Variants in CADM2 observed in about 807,000 individuals in gnomAD.
CADM2 encodes the protein immunoglobulin superfamily member 4D.
Under a neutral mutation model 49.8 loss-of-function variants are expected in CADM2, and 12 were observed. That is an observed-to-expected ratio of 0.24 (90% CI 0.15 to 0.39). The LOEUF is 0.39. Among genes scored for constraint, CADM2 ranks in the 10% least tolerant of loss-of-function variants. The pLI, the probability that CADM2 is intolerant of heterozygous loss-of-function variation, is 1.00. For synonymous variants in CADM2, 214 were observed against 175.4 expected, an observed-to-expected ratio of 1.22 and a Z score of -1.74; for missense variants, 378 against 492.3, an observed-to-expected ratio of 0.77 and a Z score of 2.20.
chr3:85,638,121 T>G (rs1324091440), intron 1 of CADM2, among the ~76,000 whole-genome samples: 3 of 152,194 alleles, frequency 2.0e-5, no homozygotes, highest in African/African-American at 2.4e-5. Flanking sequence ...ATCATTATTA[T>G]CTCTTAATTG....
intron 8 of CADM2, among the ~76,000 whole-genome samples, chr3:86,047,108 A>G (rs1281106187): frequency 6.6e-6 from 1 of 152,048 alleles, no homozygotes; most frequent in Non-Finnish European, 1.5e-5. Context: ...CGCTTCTTCA[A>G]ATTGTTTGAG....
chr3:85,289,639 C>T (rs1016050563), intron 1 of CADM2, among the ~76,000 whole-genome samples: 7 of 151,998 alleles, frequency 4.6e-5, no homozygotes, highest in African/African-American at 9.7e-5. Context: ...GGTGAAAAAC[C>T]GCAATAATTT....
At chr3:85,739,039 T>A (rs2068266628) in intron 2 of CADM2, among the ~76,000 whole-genome samples, 1 of 152,250 alleles carries the variant, frequency 6.6e-6, no homozygotes, top group Non-Finnish European at 1.5e-5. Flanking sequence ...TGAATATATG[T>A]TTAAAATTTA....
chr3:85,979,487 C>T (rs1383458770), intron 8 of CADM2, among the ~76,000 whole-genome samples: 1 of 151,464 alleles, frequency 6.6e-6, no homozygotes, highest in African/African-American at 2.4e-5. Context: ...TTACTTAAGA[C>T]TATTATCAAA....
At chr3:85,103,514 G>A (rs138348843) in intron 1 of CADM2, among the ~76,000 whole-genome samples, 1 of 151,968 alleles carries the variant, frequency 6.6e-6, no homozygotes, top group Non-Finnish European at 1.5e-5. Context: ...TAAGAAAATG[G>A]CATGTTCACA....
chr3:85,433,499 G>T (rs1442350966), intron 1 of CADM2, among the ~76,000 whole-genome samples: 1 of 151,988 alleles, frequency 6.6e-6, no homozygotes. Flanking sequence ...GCTTACTTGT[G>T]ACTACCCGCC....
intron 3 of CADM2, among the ~76,000 whole-genome samples, chr3:85,870,019 C>T (rs1420590099): frequency 6.6e-6 from 1 of 152,148 alleles, no homozygotes; most frequent in Admixed American, 6.5e-5. Context: ...TCTACCACTG[C>T]CAATCCCAAT....
At position 85,102,981 on chromosome 3, in the gene CADM2, C is replaced by T. The variant is rs549268861; in HGVS notation, c.61+143313C>T. Among the ~76,000 whole-genome samples the T allele has an allele frequency of 2.1e-4, 32 of 152,220 alleles. No homozygotes were observed. The South Asian group carries it at 4.1e-3, about 20-fold the overall frequency. ...TGAATAGCTATATAAATACAGCATACGGCTATGCACATTCTATTGCTGGGC... is the reference window on the plus strand; with the variant it reads ...TGAATAGCTATATAAATACAGCATATGGCTATGCACATTCTATTGCTGGGC... On this transcript the variant is annotated intron_variant, in intron 1 of 9. Transcript: ENST00000383699.
chr3:86,007,406 T>A (rs1229426254), intron 8 of CADM2, among the ~76,000 whole-genome samples: 1 of 152,106 alleles, frequency 6.6e-6, no homozygotes, highest in Non-Finnish European at 1.5e-5. Flanking sequence ...TGTTAATAGG[T>A]TGCTTTTAGC....
intron 1 of CADM2, among the ~76,000 whole-genome samples, chr3:85,301,798 T>A (rs1228125517): frequency 6.6e-6 from 1 of 152,050 alleles, no homozygotes; most frequent in East Asian, 1.9e-4. Context: ...TATCTCATCA[T>A]GTGAGTGATA....
chr3:85,773,005 A>G (rs186081838), intron 2 of CADM2, among the ~76,000 whole-genome samples: 2 of 151,740 alleles, frequency 1.3e-5, no homozygotes, highest in Non-Finnish European at 2.9e-5. Context: ...GCTAGCTCCT[A>G]TAACAGATAG....
chr3:85,482,902 T>G (rs1474677698), intron 1 of CADM2, among the ~76,000 whole-genome samples: 1 of 151,592 alleles, frequency 6.6e-6, no homozygotes, highest in Non-Finnish European at 1.5e-5. Flanking sequence ...CTATGTATGT[T>G]GTAGCAAGCT....
At chr3:85,726,440 A>G in intron 1 of CADM2, 82 bp from the exon 2 acceptor site, 1 of 1,444,414 alleles carries the variant, frequency 6.9e-7, no homozygotes, top group Non-Finnish European at 9.7e-7. Context: ...AATAGCAATA[A>G]CATCTCTGCT....
intron 1 of CADM2, among the ~76,000 whole-genome samples, chr3:85,359,756 T>C (rs1010523602): frequency 1.4e-5 from 2 of 146,512 alleles, no homozygotes; most frequent in Non-Finnish European, 3.0e-5. Flanking sequence ...GAAAACAATG[T>C]TTCATTAACT....
Position 85,034,765 on chromosome 3 carries a change from T to C in CADM2, c.61+75097T>C, listed in dbSNP as rs910237341. ...ATACTTGCCAGGATTTATTATTGCC[T>C]ATCTTTTAGATAAAAGACATTTTGC... On this transcript the variant is annotated intron_variant, in intron 1 of 9. Transcript: ENST00000383699. Among the ~76,000 whole-genome samples the C allele has an allele frequency of 2.0e-5, 3 of 149,106 alleles. No homozygotes were observed. The East Asian group carries it at 6.0e-4, about 30-fold the overall frequency.
At chr3:85,607,973 A>C (rs1160323000) in intron 1 of CADM2, among the ~76,000 whole-genome samples, 1 of 152,060 alleles carries the variant, frequency 6.6e-6, no homozygotes, top group African/African-American at 2.4e-5. Context: ...GAAATTTAAA[A>C]AAATATACAT....
At chr3:85,307,555 A>T (rs781609964) in intron 1 of CADM2, among the ~76,000 whole-genome samples, 7 of 151,812 alleles carry the variant, frequency 4.6e-5, no homozygotes, top group Non-Finnish European at 8.9e-5. Flanking sequence ...AATAATTTCC[A>T]ATGCTGCAAT....
chr3:85,482,270 C>T (rs2039245032), intron 1 of CADM2, among the ~76,000 whole-genome samples: 1 of 151,674 alleles, frequency 6.6e-6, no homozygotes, highest in Non-Finnish European at 1.5e-5. Context: ...AAACAGAAAT[C>T]AACTAAAGTT....
intron 1 of CADM2, among the ~76,000 whole-genome samples, chr3:85,503,831 G>A (rs968024061): frequency 3.3e-5 from 5 of 152,190 alleles, no homozygotes; most frequent in African/African-American, 1.2e-4. Context: ...ACTTTGCTGA[G>A]TGAATTTTAC....
Sources: gnomAD v4.1 joint callset for allele counts (sites outside exome capture counted in the v4.1 genomes callset) on GRCh38, gnomAD v4.1.1 for gene constraint, MANE v1.5 for transcripts, NCBI Gene and HGNC (gene_info 2026-07-23, HGNC 2026-07-21) for gene names.